Variants in SGCG observed in about 807,000 individuals in gnomAD.
The protein encoded by SGCG is sarcoglycan gamma.
A neutral mutation model predicts 29.3 loss-of-function variants in SGCG; 26 were observed. The ratio of observed to expected loss-of-function variants is 0.89; its 90% CI spans 0.65 to 1.23. The LOEUF (loss-of-function observed/expected upper bound fraction) is 1.23. Among genes scored for constraint, SGCG ranks in the 50% most tolerant of loss-of-function variants. The pLI is 0.00. For synonymous variants in SGCG, 145 were observed against 129.7 expected (o/e 1.12, Z -0.80); for missense variants, 353 against 356.0 (o/e 0.99, Z 0.07).
chr13:23,268,993 T>C lies in SGCG; in HGVS notation c.386-10366T>C, dbSNP rs1880755152. On this transcript the variant is annotated intron_variant, in intron 4 of 7. Transcript: ENST00000218867. ...GAATATGTTAGAAAGAAAACCAATA[T>C]GAGTGCAGTTTCCAGTGCCCCAAAT... is the stretch of plus-strand genomic sequence containing the variant. 4 of 151,526 alleles carry C rather than the reference T, an allele frequency of 2.6e-5. No homozygotes were observed. The South Asian group carries it at 8.3e-4, about 31-fold the overall frequency. The allele number at this position is 151,526 out of a possible 1,614,324, so 9.4% of individuals were successfully genotyped here. A position where few individuals can be genotyped will look rare whatever the true frequency, so the allele number is the denominator to read the frequency against.
chr13:23,233,785 G>A (rs1377665838), intron 2 of SGCG, among the ~76,000 whole-genome samples: 1 of 152,158 alleles, frequency 6.6e-6, no homozygotes, highest in Non-Finnish European at 1.5e-5. Context: ...CGCAGGAAAG[G>A]GCCTAAGACT....
At chr13:23,288,643 A>G (rs1158219300) in intron 5 of SGCG, among the ~76,000 whole-genome samples, 1 of 152,200 alleles carries the variant, frequency 6.6e-6, no homozygotes, top group Non-Finnish European at 1.5e-5. Flanking sequence ...CTCCCCCACA[A>G]AATTAGACAC....
chr13:23,193,681 C>G (rs939543352), intron 1 of SGCG, among the ~76,000 whole-genome samples: 1 of 151,926 alleles, frequency 6.6e-6, no homozygotes, highest in Non-Finnish European at 1.5e-5. Flanking sequence ...AAGTGCAGTT[C>G]GAAATACCAA....
chr13:23,280,725 G>T (rs1881275282), intron 5 of SGCG, among the ~76,000 whole-genome samples: 1 of 152,182 alleles, frequency 6.6e-6, no homozygotes, highest in Non-Finnish European at 1.5e-5. Context: ...ACTTCTAAAA[G>T]TGAGTTGATA....
intron 2 of SGCG, among the ~76,000 whole-genome samples, chr13:23,218,593 ACT>A (rs1231835627): frequency 6.6e-6 from 1 of 152,132 alleles, no homozygotes; most frequent in African/African-American, 2.4e-5. Flanking sequence ...AGGGTAGTAA[ACT>A]CAACATATTG....
Position 23,276,016 on chromosome 13 carries a change from C to T in SGCG, c.386-3343C>T, listed in dbSNP as rs78246096. ...ATTTCCCAAACTTAATTAATCAGAT[C>T]ACAAAACCATTAACTTTTTCTCTTT... On this transcript the variant is annotated intron_variant, in intron 4 of 7. Transcript: ENST00000218867. Among the ~76,000 whole-genome samples, 544 of 152,240 alleles carry T rather than the reference C, an allele frequency of 3.6e-3. 1 individual carries two copies. Among genetic ancestry groups the T allele is most frequent in the African/African-American group, 0.012 (509 of 41,528 alleles).
chr13:23,222,242 CTG>C (rs994285792), intron 2 of SGCG, among the ~76,000 whole-genome samples: 10 of 152,192 alleles, frequency 6.6e-5, no homozygotes, highest in African/African-American at 2.2e-4. Context: ...TTCTTCCACT[CTG>C]TGGATTGTCT....
intron 2 of SGCG, among the ~76,000 whole-genome samples, chr13:23,224,889 G>T (rs2137533186): frequency 6.6e-6 from 1 of 152,080 alleles, no homozygotes; most frequent in South Asian, 2.1e-4. Context: ...CCAGGTGTCT[G>T]ATTCTTACAG....
chr13:23,214,816 T>C (rs1453951809), intron 2 of SGCG, among the ~76,000 whole-genome samples: 1 of 152,192 alleles, frequency 6.6e-6, no homozygotes, highest in Admixed American at 6.5e-5. Flanking sequence ...TTTTCTCAAA[T>C]TATTTATGTC....
chr13:23,231,366 C>A (rs1360352732), intron 2 of SGCG, among the ~76,000 whole-genome samples: 1 of 149,824 alleles, frequency 6.7e-6, no homozygotes, highest in East Asian at 1.9e-4. Context: ...TATTTTCCTG[C>A]ATGTTTTTCA....
chr13:23,249,804 T>G (rs1447278527), intron 3 of SGCG, among the ~76,000 whole-genome samples: 1 of 152,168 alleles, frequency 6.6e-6, no homozygotes, highest in Non-Finnish European at 1.5e-5. Context: ...TTAGTAAATT[T>G]TATTGTAGAA....
chr13:23,320,211 C>T (rs1279073936), intron 6 of SGCG, among the ~76,000 whole-genome samples: 9 of 152,094 alleles, frequency 5.9e-5, no homozygotes, highest in South Asian at 2.1e-4. Flanking sequence ...CCTCTTGAGC[C>T]GGGAGTTCGA....
At chr13:23,184,315 G>A (rs994198292) in intron 1 of SGCG, among the ~76,000 whole-genome samples, 1 of 151,004 alleles carries the variant, frequency 6.6e-6, no homozygotes, top group African/African-American at 2.4e-5. Context: ...TTGTGTGAAT[G>A]TTTTTCAGAG....
At position 23,233,137 on chromosome 13, in the gene SGCG, A is replaced by G. The variant is rs148088050; in HGVS notation, c.196-1474A>G. Among the ~76,000 whole-genome samples the G allele has an allele frequency of 2.6e-4, 40 of 152,342 alleles. No homozygotes were observed. The East Asian group carries it at 7.7e-3, about 29-fold the overall frequency. On this transcript the variant is annotated intron_variant, in intron 2 of 7. Coordinates refer to ENST00000218867, the MANE Select transcript of SGCG (RefSeq NM_000231.3). ...ACCCATGTTCATAGCAGCAGCATTTACAATGCCCAAAATGTGGAAGCAACC... is the reference window on the plus strand; with the variant it reads ...ACCCATGTTCATAGCAGCAGCATTTGCAATGCCCAAAATGTGGAAGCAACC...
At position 23,324,727 on chromosome 13, in the gene SGCG, T is replaced by G. The variant is rs1883172780; in HGVS notation, c.*186T>G. 1 of 618,816 alleles carries G rather than the reference T, an allele frequency of 1.6e-6. No individual in the cohort carries two copies. The highest frequency in any genetic ancestry group is 2.9e-6 in the Non-Finnish European group (1 of 344,898). The allele number at this position is 618,816 out of a possible 1,614,324, so 38.3% of individuals were successfully genotyped here. ...AAACTACATGATCTCAAAATGCACG[T>G]GGATGTGAGACACAAAAGTTGACAA... is the stretch of plus-strand genomic sequence containing the variant. On this transcript the variant is annotated 3_prime_UTR_variant, in exon 8 of 8. Coordinates refer to ENST00000218867, the MANE Select transcript of SGCG (RefSeq NM_000231.3).
intron 6 of SGCG, among the ~76,000 whole-genome samples, chr13:23,320,290 T>G (rs182297702): frequency 2.4e-4 from 37 of 152,286 alleles, no homozygotes; most frequent in Non-Finnish European, 2.4e-4. Flanking sequence ...ATAACGAAAA[T>G]AATTTTGTAT....
At chr13:23,262,968 G>A (rs894549793) in intron 4 of SGCG, among the ~76,000 whole-genome samples, 1 of 151,678 alleles carries the variant, frequency 6.6e-6, no homozygotes, top group Admixed American at 6.6e-5. Flanking sequence ...ATAAGAGTGA[G>A]TCAACTTATC....
At chr13:23,175,841 A>G in the SGCG span, among the ~76,000 whole-genome samples, 1 of 152,164 alleles carries the variant, frequency 6.6e-6, no homozygotes, top group African/African-American at 2.4e-5. Flanking sequence ...ATATTAGTTA[A>G]AATGTGTTCA....
chr13:23,163,568 C>T, the SGCG span, among the ~76,000 whole-genome samples: 1 of 152,158 alleles, frequency 6.6e-6, no homozygotes, highest in African/African-American at 2.4e-5. Context: ...GCTTCAGGTA[C>T]AAAACCTTGA....
Sources: gnomAD v4.1 joint callset for allele counts (sites outside exome capture counted in the v4.1 genomes callset) on GRCh38, gnomAD v4.1.1 for gene constraint, MANE v1.5 for transcripts, NCBI Gene and HGNC (gene_info 2026-07-23, HGNC 2026-07-21) for gene names.